Variants in CCDC146 observed in about 807,000 individuals in gnomAD.
CCDC146 encodes the protein coiled-coil domain containing 146.
Under a neutral mutation model 119.3 loss-of-function variants are expected in CCDC146, and 92 were observed. The ratio of observed to expected loss-of-function variants is 0.77; its 90% CI spans 0.65 to 0.92. CCDC146 has a LOEUF of 0.92. Ranked by LOEUF, CCDC146 falls within the 40% of genes least tolerant of loss-of-function variation. The pLI, the probability that CCDC146 is intolerant of heterozygous loss-of-function variation, is 0.00. For synonymous variants in CCDC146, 372 were observed against 371.8 expected, an observed-to-expected ratio of 1.00 and a Z score of -0.01; for missense variants, 1,000 against 1,103.0, an observed-to-expected ratio of 0.91 and a Z score of 1.32.
chr7:77,172,713 C>T (rs965684442), intron 2 of CCDC146, among the ~76,000 whole-genome samples: 5 of 152,142 alleles, frequency 3.3e-5, no homozygotes, highest in African/African-American at 1.2e-4. Context: ...GAAGGAATAA[C>T]GTCAGATGTC....
At chr7:77,193,984 A>C (rs1791819930) in intron 2 of CCDC146, 1 of 152,576 alleles carries the variant, frequency 6.6e-6, no homozygotes, top group Admixed American at 6.5e-5. Context: ...GTAACATGAA[A>C]TGATTCCAAA....
chr7:77,165,390 A>T (rs984486344), intron 1 of CCDC146, among the ~76,000 whole-genome samples: 4 of 152,082 alleles, frequency 2.6e-5, no homozygotes, highest in African/African-American at 9.7e-5. Flanking sequence ...ACAATTGAAC[A>T]TTCACATGAG....
At chr7:77,280,351 G>T in intron 13 of CCDC146, 78 bp from the exon 14 acceptor site, 1 of 1,122,790 alleles carries the variant, frequency 8.9e-7, no homozygotes, top group Non-Finnish European at 1.3e-6. Context: ...GATAGTGCTT[G>T]TGTTTCAGAA....
intron 2 of CCDC146, among the ~76,000 whole-genome samples, chr7:77,211,231 T>C (rs3095470): frequency 0.45 from 67,671 of 152,038 alleles, 17,582 homozygotes; most frequent in African/African-American, 0.72. Flanking sequence ...TTTTTTCTTG[T>C]GGTTCTTCAT....
At chr7:77,189,163 T>A (rs1330551419) in intron 2 of CCDC146, among the ~76,000 whole-genome samples, 1 of 152,062 alleles carries the variant, frequency 6.6e-6, no homozygotes, top group Non-Finnish European at 1.5e-5. Context: ...AACTTCTGAT[T>A]CCAGCCTCCC....
chr7:77,286,708 C>T (rs1354497020), intron 15 of CCDC146, 90 bp from the exon 16 acceptor site: 69 of 1,340,350 alleles, frequency 5.1e-5, no homozygotes, highest in Non-Finnish European at 6.8e-5. Flanking sequence ...GTTGGTCCTA[C>T]TAAAAAACTC....
At position 77,231,694 on chromosome 7, in the gene CCDC146, T is replaced by G. The variant is rs116817501; in HGVS notation, c.157-5253T>G. On this transcript the variant is annotated intron_variant, in intron 2 of 18. Transcript: ENST00000285871. ...TCTATTTGATGCATTGTCATCATACTCTCCTTTAATTTTTAAAACATGGTT... is the reference window on the plus strand; with the variant it reads ...TCTATTTGATGCATTGTCATCATACGCTCCTTTAATTTTTAAAACATGGTT... Among the ~76,000 whole-genome samples the G allele has an allele frequency of 9.3e-3, 1,417 of 152,222 alleles. 22 individuals carry two copies. The highest frequency in any genetic ancestry group is 0.033 in the African/African-American group (1,361 of 41,526).
chr7:77,241,617 C>A, intron 3 of CCDC146, 74 bp from the exon 4 acceptor site: 2 of 1,293,568 alleles, frequency 1.5e-6, no homozygotes, highest in Non-Finnish European at 2.2e-6. Context: ...CAGCTATCCT[C>A]ACTAGACCCC....
intron 9 of CCDC146, among the ~76,000 whole-genome samples, chr7:77,267,667 A>G (rs1455647850): frequency 2.6e-5 from 4 of 152,066 alleles, no homozygotes; most frequent in African/African-American, 9.7e-5. Context: ...TGTTATTATT[A>G]TGAACATATA....
intron 17 of CCDC146, among the ~76,000 whole-genome samples, 191 bp downstream of exon 17, chr7:77,287,768 A>G (rs554173346): frequency 6.6e-6 from 1 of 152,324 alleles, no homozygotes; most frequent in Non-Finnish European, 1.5e-5. Flanking sequence ...GAATTAATTC[A>G]CTTCACGGTG....
intron 4 of CCDC146, among the ~76,000 whole-genome samples, chr7:77,252,458 G>A (rs1793094163): frequency 6.6e-6 from 1 of 152,198 alleles, no homozygotes; most frequent in East Asian, 1.9e-4. Flanking sequence ...TGACGCTCAT[G>A]TTTATAATTT....
chr7:77,287,667 A>C (rs1344603629), intron 17 of CCDC146, 90 bp downstream of exon 17: 1 of 1,402,246 alleles, frequency 7.1e-7, no homozygotes, highest in African/African-American at 1.4e-5. Flanking sequence ...TGAGAGAAGC[A>C]CTGGAGAGAT....
At chr7:77,217,688 A>AT (rs1792326464) in intron 2 of CCDC146, among the ~76,000 whole-genome samples, 1 of 152,108 alleles carries the variant, frequency 6.6e-6, no homozygotes, top group African/African-American at 2.4e-5. Context: ...AACATCATAG[A>AT]GTGTACTTAC....
chr7:77,210,609 A>G (rs1291293963), intron 2 of CCDC146, among the ~76,000 whole-genome samples: 8 of 152,216 alleles, frequency 5.3e-5, no homozygotes, highest in Admixed American at 5.2e-4. Flanking sequence ...ACTTAACTTT[A>G]TAGAAATGCC....
chr7:77,254,494 T>G lies in CCDC146; in HGVS notation c.450-12T>G. ...TTTGTACTTTTTCAAACTTGATTTT[T>G]TTTTTTTGCAGCTTAAAGGAAGAAA... is the stretch of plus-strand genomic sequence containing the variant. On this transcript the variant is annotated splice_polypyrimidine_tract_variant and intron_variant, in intron 4 of 18. Transcript: ENST00000285871. 1 of 1,445,628 alleles carries G rather than the reference T, an allele frequency of 6.9e-7. No individual in the cohort carries two copies. The highest frequency in any genetic ancestry group is 9.5e-7 in the Non-Finnish European group (1 of 1,047,744). 89.6% of individuals were successfully genotyped at this position (1,445,628 alleles called of 1,614,324 possible). A position where few individuals can be genotyped will look rare whatever the true frequency, so the allele number is the denominator to read the frequency against.
intron 4 of CCDC146, among the ~76,000 whole-genome samples, chr7:77,244,435 C>T (rs1326977957): frequency 2.0e-5 from 3 of 152,182 alleles, no homozygotes; most frequent in Admixed American, 6.5e-5. Context: ...GAGCAACTTC[C>T]AGTCCTGCAA....
At chr7:77,144,897 T>C (rs1790991613) in intron 1 of CCDC146, among the ~76,000 whole-genome samples, 1 of 151,780 alleles carries the variant, frequency 6.6e-6, no homozygotes, top group Non-Finnish European at 1.5e-5. Flanking sequence ...TCTGTGTCTC[T>C]GCCAGCCTTT....
intron 4 of CCDC146, among the ~76,000 whole-genome samples, chr7:77,247,694 A>G (rs942026155): frequency 6.6e-6 from 1 of 152,250 alleles, no homozygotes; most frequent in African/African-American, 2.4e-5. Flanking sequence ...CAAATGAAAA[A>G]AGTTCATCAC....
At chr7:77,218,745 A>AT (rs760314266) in intron 2 of CCDC146, among the ~76,000 whole-genome samples, 80 of 144,548 alleles carry the variant, frequency 5.5e-4, no homozygotes, top group Non-Finnish European at 9.6e-4. Flanking sequence ...ATTTTTTTTT[A>AT]TTTTTTGTAG....
Sources: allele counts gnomAD v4.1 joint callset (sites outside exome capture counted in the v4.1 genomes callset), GRCh38; gene constraint gnomAD v4.1.1; transcripts MANE v1.5; gene names NCBI Gene and HGNC (gene_info 2026-07-23, HGNC 2026-07-21).